The following KLHL1 variants were observed in gnomAD, a reference collection of about 807,000 sequenced individuals.
KLHL1 encodes the protein kelch-like protein 1.
A neutral mutation model predicts 77.7 loss-of-function variants in KLHL1; 47 were observed. That is an observed-to-expected ratio of 0.60 (90% CI 0.48 to 0.77). KLHL1 has a LOEUF of 0.77. Ranked by LOEUF, KLHL1 falls within the 30% of genes least tolerant of loss-of-function variation. KLHL1 has a pLI of 0.00. For synonymous variants in KLHL1, 360 were observed against 325.2 expected, an observed-to-expected ratio of 1.11 and a Z score of -1.15; for missense variants, 925 against 910.8, an observed-to-expected ratio of 1.02 and a Z score of -0.20.
At chr13:69,783,667 G>T (rs1453874825) in intron 7 of KLHL1, among the ~76,000 whole-genome samples, 1 of 137,858 alleles carries the variant, frequency 7.3e-6, no homozygotes, top group African/African-American at 2.8e-5. Context: ...CAAGAAATAT[G>T]GGACTATGTG....
intron 7 of KLHL1, among the ~76,000 whole-genome samples, chr13:69,791,603 A>G (rs1387983332): frequency 6.6e-6 from 1 of 152,186 alleles, no homozygotes; most frequent in African/African-American, 2.4e-5. Context: ...CTAATGTAAT[A>G]GAATTGAAAA....
intron 4 of KLHL1, among the ~76,000 whole-genome samples, chr13:69,904,873 C>T (rs998129483): frequency 6.6e-6 from 1 of 152,106 alleles, no homozygotes; most frequent in African/African-American, 2.4e-5. Context: ...ATCTTCATTA[C>T]CAAGGATTTG....
chr13:70,038,468 T>A (rs941797924), intron 1 of KLHL1, among the ~76,000 whole-genome samples: 3 of 152,140 alleles, frequency 2.0e-5, no homozygotes, highest in Non-Finnish European at 4.4e-5. Context: ...ACTAATTTTT[T>A]AAGAAACTGC....
intron 1 of KLHL1, among the ~76,000 whole-genome samples, chr13:70,106,245 A>G (rs558587655): frequency 2.5e-4 from 38 of 152,084 alleles, no homozygotes; most frequent in Middle Eastern, 3.5e-3. Context: ...TAATATATAC[A>G]TTATCATTTT....
intron 7 of KLHL1, among the ~76,000 whole-genome samples, chr13:69,784,934 G>C (rs1593828964): frequency 7.9e-6 from 1 of 126,272 alleles, no homozygotes; most frequent in African/African-American, 3.0e-5. Flanking sequence ...CTGTCGCCCA[G>C]GCTGGAGTGC....
chr13:69,785,510 G>A (rs1401385322), intron 7 of KLHL1, among the ~76,000 whole-genome samples: 2 of 152,090 alleles, frequency 1.3e-5, no homozygotes, highest in African/African-American at 4.8e-5. Context: ...AAAGCAGTGT[G>A]TGGGTAGAGG....
chr13:69,737,045 A>G (rs930037706), intron 8 of KLHL1, among the ~76,000 whole-genome samples: 1 of 152,166 alleles, frequency 6.6e-6, no homozygotes, highest in African/African-American at 2.4e-5. Flanking sequence ...GAAAGTGAGG[A>G]AAAGCATGGT....
At position 69,753,230 on chromosome 13, in the gene KLHL1, G is replaced by A. The variant is rs187152969; in HGVS notation, c.1640-12674C>T. On this transcript the variant is annotated intron_variant, in intron 7 of 10. Transcript: ENST00000377844. ...TACTCAGTGAACCCAAACCTTCATA[G>A]CTGTTAAAATAAAAAGGCTGTAAAA... Among the ~76,000 whole-genome samples, 10 of 152,152 alleles carry A rather than the reference G, an allele frequency of 6.6e-5. No homozygotes were observed. The East Asian group carries it at 1.9e-3, about 30-fold the overall frequency.
chr13:69,721,073 A>AAGGGAGGTACATAGCTTTATATATATATC (rs1593772117), intron 8 of KLHL1, among the ~76,000 whole-genome samples: 1 of 64,970 alleles, frequency 1.5e-5, no homozygotes, highest in Non-Finnish European at 3.7e-5. Context: ...ATATATATAT[A>AAGGGAGGTACATAGCTTTATATATATATC]TATATAAAGC....
intron 8 of KLHL1, among the ~76,000 whole-genome samples, chr13:69,722,403 T>A (rs748197057): frequency 2.0e-5 from 3 of 151,794 alleles, no homozygotes; most frequent in Non-Finnish European, 2.9e-5. Flanking sequence ...CAAGACTAAA[T>A]CATGAAGAAA....
At position 69,931,986 on chromosome 13, in the gene KLHL1, G is replaced by A. The variant is rs994369494; in HGVS notation, c.1014+8054C>T. On this transcript the variant is annotated intron_variant, in intron 4 of 10. Coordinates refer to ENST00000377844, the MANE Select transcript of KLHL1 (RefSeq NM_020866.3). Reference sequence around the variant, plus strand: ...ATTTTAAATTATTGTAGGATGCAGAGAAAATATTTTACTACAAATTACTTA... The same window carrying A: ...ATTTTAAATTATTGTAGGATGCAGAAAAAATATTTTACTACAAATTACTTA... Among the ~76,000 whole-genome samples the A allele has an allele frequency of 5.3e-5, 8 of 151,668 alleles. No homozygotes were observed. In the South Asian group the frequency reaches 1.7e-3, roughly 31 times the overall value.
chr13:69,926,408 T>A (rs1882814110), intron 4 of KLHL1, among the ~76,000 whole-genome samples: 1 of 152,182 alleles, frequency 6.6e-6, no homozygotes. Flanking sequence ...AATAATTACA[T>A]CAATATACCA....
At chr13:70,026,501 A>T (rs1224240710) in intron 1 of KLHL1, among the ~76,000 whole-genome samples, 1 of 152,114 alleles carries the variant, frequency 6.6e-6, no homozygotes, top group East Asian at 1.9e-4. Flanking sequence ...ATTGAGTGTA[A>T]TGTATTTGGA....
chr13:69,977,634 G>C, intron 1 of KLHL1, among the ~76,000 whole-genome samples: 1 of 152,170 alleles, frequency 6.6e-6, no homozygotes, highest in South Asian at 2.1e-4. Context: ...TCAGGAAAGA[G>C]ATTCCAGTGA....
intron 1 of KLHL1, among the ~76,000 whole-genome samples, chr13:69,982,067 A>G (rs1884725839): frequency 6.6e-6 from 1 of 152,136 alleles, no homozygotes; most frequent in South Asian, 2.1e-4. Context: ...TTAAGTTGTT[A>G]TCAGTTTAAA....
intron 6 of KLHL1, among the ~76,000 whole-genome samples, chr13:69,816,190 A>G (rs146077129): frequency 0.011 from 1,696 of 152,094 alleles, 89 homozygotes; most frequent in Admixed American, 0.093. Flanking sequence ...CATTAAATCA[A>G]TGCAACATTT....
At chr13:69,942,165 T>C (rs1281952354) in intron 3 of KLHL1, among the ~76,000 whole-genome samples, 1 of 152,058 alleles carries the variant, frequency 6.6e-6, no homozygotes, top group Non-Finnish European at 1.5e-5. Context: ...GTTTCATTTA[T>C]ATTTTCATTT....
intron 1 of KLHL1, among the ~76,000 whole-genome samples, chr13:70,047,533 A>G (rs1030292413): frequency 1.3e-5 from 2 of 152,098 alleles, no homozygotes; most frequent in Non-Finnish European, 2.9e-5. Context: ...GTTTCTCAAT[A>G]ATAATGTAGA....
chr13:69,989,596 GA>G (rs1209249076), intron 1 of KLHL1, among the ~76,000 whole-genome samples: 3 of 151,910 alleles, frequency 2.0e-5, no homozygotes, highest in Non-Finnish European at 4.4e-5. Flanking sequence ...CCAAGGATAT[GA>G]AATATTCTTC....
Sources: allele counts gnomAD v4.1 joint callset (sites outside exome capture counted in the v4.1 genomes callset), GRCh38; gene constraint gnomAD v4.1.1; transcripts MANE v1.5; gene names NCBI Gene and HGNC (gene_info 2026-07-23, HGNC 2026-07-21).